Variants in DNAH14 observed in about 807,000 individuals in gnomAD.
DNAH14 encodes dynein axonemal heavy chain 14, also known as axonemal beta dynein heavy chain 14.
In DNAH14, 478 loss-of-function variants were observed where a neutral mutation model predicts 520.9. The ratio of observed to expected loss-of-function variants is 0.92; its 90% confidence interval spans 0.85 to 0.99. The LOEUF (loss-of-function observed/expected upper bound fraction) is 0.99, where lower values mean the gene tolerates loss of function less well. Ranked by LOEUF, DNAH14 falls within the 50% of genes least tolerant of loss-of-function variation. The probability of loss-of-function intolerance (pLI) is 0.00; values close to 1 mark genes in which losing one functional copy is unlikely to be tolerated. For missense variants in DNAH14, 4,831 were observed against 5,234.5 expected (o/e 0.92, Z 2.38); for synonymous variants, 1,581 against 1,757.2 (o/e 0.90, Z 2.51).
intron 11 of DNAH14, among the ~76,000 whole-genome samples, chr1:225,038,465 A>G (rs2501108): frequency 0.8 from 121,010 of 151,852 alleles, 51,607 homozygotes; most frequent in Non-Finnish European, 0.96. Flanking sequence ...ATGAGGTGAT[A>G]TAGTATCTCA....
chr1:225,348,006 G>A (rs1168176872), intron 71 of DNAH14, among the ~76,000 whole-genome samples: 1 of 152,000 alleles, frequency 6.6e-6, no homozygotes, highest in African/African-American at 2.4e-5. Flanking sequence ...AACAAAATGA[G>A]AATATCAGCA....
intron 54 of DNAH14, among the ~76,000 whole-genome samples, chr1:225,284,774 A>G (rs2093699100): frequency 6.6e-6 from 1 of 152,232 alleles, no homozygotes; most frequent in Non-Finnish European, 1.5e-5. Context: ...ACATATAGCA[A>G]GTATTATACA....
At chr1:225,390,204 G>A (rs1024239125) in intron 83 of DNAH14, among the ~76,000 whole-genome samples, 1 of 152,170 alleles carries the variant, frequency 6.6e-6, no homozygotes, top group Non-Finnish European at 1.5e-5. Flanking sequence ...TGACAAAGGG[G>A]TGGAGACGGG....
chr1:225,290,646 T>C (rs2093854979), intron 55 of DNAH14, among the ~76,000 whole-genome samples: 3 of 52,866 alleles, frequency 5.7e-5, no homozygotes. Context: ...TGTGTGTGTG[T>C]GTATATATAT....
At position 225,081,715 on chromosome 1, in the gene DNAH14, G is replaced by C. The variant is rs567520920; in HGVS notation, c.3137-834G>C. 1.4e-3 allele frequency among the ~76,000 whole-genome samples: 210 copies of C among 152,226 alleles called. 2 individuals are homozygous for C. Among genetic ancestry groups the C allele is most frequent in the South Asian group, 6.4e-3 (31 of 4,812 alleles). On this transcript the variant is annotated intron_variant, in intron 19 of 85. Transcript: ENST00000682510. Reference sequence around the variant, plus strand: ...TTTGAGTGTATGGGTGAAGTTTTCAGTTCTCTTGAGTCCCTAACTTTGGCC... The same window carrying C: ...TTTGAGTGTATGGGTGAAGTTTTCACTTCTCTTGAGTCCCTAACTTTGGCC...
At chr1:225,356,341 C>T (rs928226885) in intron 73 of DNAH14, among the ~76,000 whole-genome samples, 1 of 152,190 alleles carries the variant, frequency 6.6e-6, no homozygotes, top group Non-Finnish European at 1.5e-5. Flanking sequence ...TGGCCCAGTG[C>T]ACTACAGTCT....
intron 8 of DNAH14, among the ~76,000 whole-genome samples, chr1:224,977,002 G>A (rs1393002085): frequency 6.6e-6 from 1 of 150,856 alleles, no homozygotes. Context: ...ATACCCAAAG[G>A]ACTATAAATC....
chr1:225,288,913 A>G (rs1233615588), intron 54 of DNAH14, among the ~76,000 whole-genome samples: 1 of 152,168 alleles, frequency 6.6e-6, no homozygotes, highest in Non-Finnish European at 1.5e-5. Context: ...TATTTCTTAT[A>G]AAGTTTAACA....
chr1:225,248,857 C>T (rs2092421928), intron 43 of DNAH14, among the ~76,000 whole-genome samples: 1 of 152,130 alleles, frequency 6.6e-6, no homozygotes, highest in South Asian at 2.1e-4. Flanking sequence ...ATAGTTACAC[C>T]TGTAGAACCA....
At chr1:225,296,397 T>G (rs999600972) in intron 55 of DNAH14, among the ~76,000 whole-genome samples, 7 of 152,222 alleles carry the variant, frequency 4.6e-5, no homozygotes, top group Non-Finnish European at 8.8e-5. Context: ...TTAATCCATT[T>G]AAATTCAAAG....
chr1:224,933,850 G>T (rs12567082), intron 1 of DNAH14, among the ~76,000 whole-genome samples: 1 of 151,834 alleles, frequency 6.6e-6, no homozygotes, highest in African/African-American at 2.4e-5. Flanking sequence ...GGAGTTTTGC[G>T]TCTATGTTCA....
chr1:225,192,364 T>C (rs1437222250), intron 37 of DNAH14, among the ~76,000 whole-genome samples: 1 of 152,104 alleles, frequency 6.6e-6, no homozygotes, highest in Non-Finnish European at 1.5e-5. Flanking sequence ...TAAAAGTGTA[T>C]TCTGTTGTCT....
Position 224,974,107 on chromosome 1 carries a change from G to C in DNAH14, c.784G>C (p.Val262Leu). The change falls in exon 8 of 86, where the codon GTT becomes CTT. Residue 262 changes from valine (V) to leucine (L), a missense_variant. Coordinates refer to ENST00000682510, the MANE Select transcript of DNAH14 (RefSeq NM_001367479.1). ...TCCTTTCAGAATGAATAAAGCATTT[G>C]TTACCTGGAAATTGAATGTTAAAAG... The part of the protein sequence containing the change: ...FSDFRMNKAF[V>L]TWKLNVKRIK... The C allele has an allele frequency of 1.3e-6, 2 of 1,505,800 alleles. No individual in the cohort carries two copies. The highest frequency in any genetic ancestry group is 1.3e-5 in the South Asian group (1 of 75,726). 93.3% of individuals were successfully genotyped at this position (1,505,800 alleles called of 1,614,324 possible).
At chr1:225,201,641 G>A (rs2086836704) in intron 38 of DNAH14, among the ~76,000 whole-genome samples, 1 of 152,076 alleles carries the variant, frequency 6.6e-6, no homozygotes, top group Non-Finnish European at 1.5e-5. Flanking sequence ...TCTTTTCTGA[G>A]TCTAGCCAGC....
intron 7 of DNAH14, among the ~76,000 whole-genome samples, chr1:224,972,529 G>T (rs901957290): frequency 6.6e-6 from 1 of 150,924 alleles, no homozygotes. Flanking sequence ...GCAGTGGCAT[G>T]ATCTCGGCTC....
chr1:225,100,620 C>A, intron 22 of DNAH14, 93 bp from the exon 23 acceptor site: 1 of 994,872 alleles, frequency 1.0e-6, no homozygotes, highest in Non-Finnish European at 1.4e-6. Flanking sequence ...TGTTTTATAA[C>A]TCAAACAGTA....
intron 12 of DNAH14, among the ~76,000 whole-genome samples, chr1:225,039,939 C>CTT (rs570032977): frequency 4.3e-5 from 5 of 116,126 alleles, no homozygotes; most frequent in Non-Finnish European, 8.9e-5. Context: ...GTTATCTTTT[C>CTT]TTTTTTTTTT....
intron 17 of DNAH14, among the ~76,000 whole-genome samples, chr1:225,074,769 G>A (rs1478497859): frequency 6.6e-6 from 1 of 152,220 alleles, no homozygotes; most frequent in Non-Finnish European, 1.5e-5. Flanking sequence ...AAAGCCGCAG[G>A]CTATAGTGGC....
chr1:224,937,814 AG>A (rs1218640968), intron 1 of DNAH14, among the ~76,000 whole-genome samples: 1 of 152,142 alleles, frequency 6.6e-6, no homozygotes, highest in African/African-American at 2.4e-5. Context: ...CCCAAACTAT[AG>A]TAACCAAAAC....
Sources: gnomAD v4.1 joint callset for allele counts (sites outside exome capture counted in the v4.1 genomes callset) on GRCh38, gnomAD v4.1.1 for gene constraint, MANE v1.5 for transcripts, NCBI Gene and HGNC (gene_info 2026-07-23, HGNC 2026-07-21) for gene names.